Variants in GALNT14 observed in about 807,000 individuals in gnomAD.
The protein encoded by GALNT14 is polypeptide N-acetylgalactosaminyltransferase 14.
GALNT14 carries 60 observed loss-of-function variants against 77.5 expected under a neutral mutation model. The observed-to-expected ratio is 0.77, with a 90% CI of 0.63 to 0.96. The LOEUF (loss-of-function observed/expected upper bound fraction) is 0.96, where lower values mean the gene tolerates loss of function less well. GALNT14 is among the 40% of genes least tolerant of loss of function. The probability of loss-of-function intolerance (pLI) is 0.00; values close to 1 mark genes in which losing one functional copy is unlikely to be tolerated. For synonymous variants in GALNT14, 280 were observed against 281.7 expected, an observed-to-expected ratio of 0.99 and a Z score of 0.06; for missense variants, 710 against 731.0, an observed-to-expected ratio of 0.97 and a Z score of 0.33.
chr2:30,971,351 G>C (rs989893882), intron 2 of GALNT14, among the ~76,000 whole-genome samples: 1 of 152,040 alleles, frequency 6.6e-6, no homozygotes, highest in Non-Finnish European at 1.5e-5. Context: ...GCCAGTGAGC[G>C]GGAAAGATTG....
At chr2:30,899,341 T>C in the GALNT14 span, among the ~76,000 whole-genome samples, 4 of 152,220 alleles carry the variant, frequency 2.6e-5, no homozygotes, top group Non-Finnish European at 5.9e-5. Flanking sequence ...GGCTCCGCTC[T>C]GGGAAGCTGG....
intron 11 of GALNT14, among the ~76,000 whole-genome samples, chr2:30,925,967 C>T (rs542543699): frequency 9.2e-5 from 14 of 152,238 alleles, no homozygotes; most frequent in African/African-American, 3.4e-4. Flanking sequence ...TGAGTGCCTC[C>T]ACACCTCTCG....
intron 10 of GALNT14, 71 bp downstream of exon 10, chr2:30,931,997 C>A (rs1665759101): frequency 7.1e-7 from 1 of 1,416,076 alleles, no homozygotes. Context: ...CGGCTGCAAC[C>A]CTTACCAGCA....
intron 11 of GALNT14, among the ~76,000 whole-genome samples, chr2:30,927,331 T>C (rs1052149171): frequency 2.0e-5 from 3 of 152,174 alleles, no homozygotes; most frequent in Admixed American, 2.0e-4. Context: ...GCTCCTCAAA[T>C]TGTGGCACTC....
chr2:31,042,990 C>T (rs1673192974), intron 1 of GALNT14, among the ~76,000 whole-genome samples: 2 of 152,180 alleles, frequency 1.3e-5, no homozygotes, highest in Admixed American at 6.5e-5. Context: ...CTTACAAAGC[C>T]ATGCTGGATA....
intron 1 of GALNT14, among the ~76,000 whole-genome samples, chr2:31,035,620 C>CAT (rs1402942181): frequency 3.8e-4 from 40 of 104,926 alleles, no homozygotes; most frequent in African/African-American, 1.6e-3. Flanking sequence ...CACACACCTA[C>CAT]ACACACACAC....
At chr2:31,112,539 T>C (rs1171622940) in intron 1 of GALNT14, among the ~76,000 whole-genome samples, 1 of 152,216 alleles carries the variant, frequency 6.6e-6, no homozygotes, top group African/African-American at 2.4e-5. Context: ...GACCCAATTA[T>C]TGTTAGATGT....
chr2:31,069,439 T>A (rs1347026304), intron 1 of GALNT14, among the ~76,000 whole-genome samples: 1 of 152,218 alleles, frequency 6.6e-6, no homozygotes, highest in East Asian at 1.9e-4. Context: ...TCCCCAGTTA[T>A]TCTTCACAAT....
chr2:30,949,042 TGA>T (rs2148298614), intron 6 of GALNT14, among the ~76,000 whole-genome samples: 1 of 152,266 alleles, frequency 6.6e-6, no homozygotes, highest in East Asian at 1.9e-4. Context: ...TCTGCTTGGC[TGA>T]GAGTCTTGGA....
intron 1 of GALNT14, among the ~76,000 whole-genome samples, chr2:31,029,381 C>T (rs1442735588): frequency 1.3e-5 from 2 of 152,180 alleles, no homozygotes; most frequent in African/African-American, 4.8e-5. Context: ...CCTCCACCAC[C>T]GTCATCTTCA....
chr2:31,071,572 G>A (rs977772703), intron 1 of GALNT14, among the ~76,000 whole-genome samples: 8 of 152,204 alleles, frequency 5.3e-5, no homozygotes, highest in Admixed American at 5.2e-4. Context: ...TGGAGGCACT[G>A]TGAGTTCTGT....
rs150028203 is a variant in GALNT14, at chr2:31,087,954, G to A, written c.129+50004C>T. 1.9e-3 allele frequency among the ~76,000 whole-genome samples: 285 copies of A among 152,352 alleles called. 4 individuals are homozygous for A. Among genetic ancestry groups the A allele is most frequent in the African/African-American group, 6.5e-3 (271 of 41,590 alleles). ...AGCTCCCTCGCCCCTTTTCTGCAAT[G>A]TGAGGACACAGCACAATGATAGCGG... On this transcript the variant is annotated intron_variant, in intron 1 of 14. Transcript: ENST00000349752.
the GALNT14 span, among the ~76,000 whole-genome samples, chr2:30,890,050 C>G: frequency 7.9e-5 from 12 of 152,184 alleles, no homozygotes; most frequent in Admixed American, 6.5e-5. Flanking sequence ...CTGTGGTCTC[C>G]CCATGCCACC....
chr2:31,125,276 G>A lies in GALNT14; in HGVS notation c.129+12682C>T, dbSNP rs941604661. On this transcript the variant is annotated intron_variant, in intron 1 of 14. Coordinates refer to ENST00000349752, the MANE Select transcript of GALNT14 (RefSeq NM_024572.4). Reference sequence around the variant, plus strand: ...AACCTGAAAATGCCACAAGAAAGAAGAGCAACATGGTCATTTCTTTGGCAA... The same window carrying A: ...AACCTGAAAATGCCACAAGAAAGAAAAGCAACATGGTCATTTCTTTGGCAA... The A allele has an allele frequency of 6.0e-6, 9 of 1,499,786 alleles. No individual in the cohort carries two copies. In the African/African-American group the frequency reaches 9.7e-5, roughly 16 times the overall value. 92.9% of individuals were successfully genotyped at this position (1,499,786 alleles called of 1,614,324 possible).
At chr2:31,101,863 C>G (rs11693385) in intron 1 of GALNT14, among the ~76,000 whole-genome samples, 8,238 of 152,062 alleles carry the variant, frequency 0.054, 252 homozygotes, top group African/African-American at 0.077. Flanking sequence ...TTCCCCCATG[C>G]TGCTGTTCTT....
At chr2:30,986,970 T>C (rs1215923551) in intron 2 of GALNT14, 1 of 152,176 alleles carries the variant, frequency 6.6e-6, no homozygotes, top group Non-Finnish European at 1.5e-5. Context: ...AGTATATATC[T>C]GGAATGAAGA....
chr2:30,969,282 A>T (rs1668197790), intron 2 of GALNT14, among the ~76,000 whole-genome samples: 1 of 152,180 alleles, frequency 6.6e-6, no homozygotes, highest in African/African-American at 2.4e-5. Flanking sequence ...GGTCCCTGCT[A>T]TGGGGAAAGA....
intron 1 of GALNT14, among the ~76,000 whole-genome samples, chr2:31,115,786 G>C (rs1327169905): frequency 6.6e-6 from 1 of 152,220 alleles, no homozygotes; most frequent in Non-Finnish European, 1.5e-5. Flanking sequence ...GCCAGGCACA[G>C]TGGCTCACGC....
intron 1 of GALNT14, among the ~76,000 whole-genome samples, chr2:31,094,258 T>G (rs537691156): frequency 6.6e-6 from 1 of 152,358 alleles, no homozygotes; most frequent in African/African-American, 2.4e-5. Flanking sequence ...AGAATGTACT[T>G]TGTGAGATCC....
Sources: allele counts gnomAD v4.1 joint callset (sites outside exome capture counted in the v4.1 genomes callset), GRCh38; gene constraint gnomAD v4.1.1; transcripts MANE v1.5; gene names NCBI Gene and HGNC (gene_info 2026-07-23, HGNC 2026-07-21).